PTPRD: variants seen among roughly 807,000 people sequenced by gnomAD.
The protein encoded by PTPRD is protein tyrosine phosphatase receptor type D, also known as receptor-type tyrosine-protein phosphatase delta.
Under a neutral mutation model 214.5 loss-of-function variants are expected in PTPRD, and 34 were observed. That is an observed-to-expected ratio of 0.16 (90% CI 0.12 to 0.21). The LOEUF (loss-of-function observed/expected upper bound fraction) is 0.21. Ranked by LOEUF, PTPRD falls within the 10% of genes least tolerant of loss-of-function variation. The pLI is 1.00. For missense variants in PTPRD, 2,545 were observed against 2,398.7 expected (o/e 1.06, Z -1.27); for synonymous variants, 1,128 against 845.7 (o/e 1.33, Z -5.79).
chr9:9,405,548 T>C (rs1476188286), intron 8 of PTPRD, among the ~76,000 whole-genome samples: 1 of 152,060 alleles, frequency 6.6e-6, no homozygotes, highest in Non-Finnish European at 1.5e-5. Flanking sequence ...AACATTAGCC[T>C]GGGTAAATCT....
At chr9:8,586,699 C>T (rs1164910629) in intron 14 of PTPRD, among the ~76,000 whole-genome samples, 1 of 152,158 alleles carries the variant, frequency 6.6e-6, no homozygotes, top group African/African-American at 2.4e-5. Context: ...ACTGTCTATG[C>T]CTTTGGTTTT....
intron 9 of PTPRD, among the ~76,000 whole-genome samples, chr9:9,259,951 A>G (rs892139094): frequency 1.3e-5 from 2 of 151,858 alleles, no homozygotes; most frequent in African/African-American, 4.8e-5. Flanking sequence ...TTAGCTGGAC[A>G]ATGCTTAGTG....
At chr9:9,503,133 G>A (rs1357159972) in intron 8 of PTPRD, among the ~76,000 whole-genome samples, 2 of 151,638 alleles carry the variant, frequency 1.3e-5, no homozygotes, top group African/African-American at 4.8e-5. Flanking sequence ...GGACTTGGTT[G>A]GTAGTTGTTT....
chr9:8,596,920 G>T (rs1373735462), intron 14 of PTPRD, among the ~76,000 whole-genome samples: 1 of 152,014 alleles, frequency 6.6e-6, no homozygotes, highest in African/African-American at 2.4e-5. Flanking sequence ...ACAATTTTTA[G>T]CTAAATATCT....
At chr9:9,289,272 C>T (rs1950429590) in intron 9 of PTPRD, among the ~76,000 whole-genome samples, 1 of 151,782 alleles carries the variant, frequency 6.6e-6, no homozygotes, top group African/African-American at 2.4e-5. Flanking sequence ...CTAAAGATAA[C>T]TTGGTTCATA....
At chr9:8,731,398 T>C (rs1258939484) in intron 12 of PTPRD, among the ~76,000 whole-genome samples, 2 of 152,054 alleles carry the variant, frequency 1.3e-5, no homozygotes, top group Non-Finnish European at 2.9e-5. Context: ...CACAGTTAGG[T>C]AAAAGGGAAA....
intron 12 of PTPRD, among the ~76,000 whole-genome samples, chr9:8,730,060 T>C (rs1287027517): frequency 1.3e-5 from 2 of 151,998 alleles, no homozygotes; most frequent in Non-Finnish European, 2.9e-5. Context: ...ATCAAGACCA[T>C]CCTGGCTAAC....
At chr9:8,662,722 C>T (rs557766653) in intron 12 of PTPRD, among the ~76,000 whole-genome samples, 25 of 152,268 alleles carry the variant, frequency 1.6e-4, no homozygotes, top group Admixed American at 6.5e-4. Flanking sequence ...TTTATCTGGA[C>T]CCTGTAAGCA....
At chr9:9,882,691 G>A (rs1247848608) in intron 5 of PTPRD, among the ~76,000 whole-genome samples, 1 of 152,092 alleles carries the variant, frequency 6.6e-6, no homozygotes, top group African/African-American at 2.4e-5. Context: ...TTATGTTCCT[G>A]TTAAGGAGGA....
chr9:10,477,613 C>T (rs529307472), intron 2 of PTPRD, among the ~76,000 whole-genome samples: 1 of 152,182 alleles, frequency 6.6e-6, no homozygotes, highest in Non-Finnish European at 1.5e-5. Flanking sequence ...CCATTTGACC[C>T]AGCAATCCCA....
chr9:8,515,039 T>C (rs1279999288), intron 21 of PTPRD, among the ~76,000 whole-genome samples: 1 of 152,202 alleles, frequency 6.6e-6, no homozygotes, highest in Non-Finnish European at 1.5e-5. Context: ...CCTAGCCATG[T>C]GAAATTGTGA....
At chr9:9,040,813 G>A (rs576818184) in intron 10 of PTPRD, among the ~76,000 whole-genome samples, 74 of 152,284 alleles carry the variant, frequency 4.9e-4, no homozygotes, top group African/African-American at 1.8e-3. Flanking sequence ...TAGACTTGCA[G>A]CTAATGTTGC....
chr9:9,995,456 G>A (rs1399595321), intron 4 of PTPRD, among the ~76,000 whole-genome samples: 1 of 152,128 alleles, frequency 6.6e-6, no homozygotes, highest in African/African-American at 2.4e-5. Context: ...AGAGATAAAA[G>A]TTTATAAATC....
In PTPRD at chr9:8,826,963, T is replaced by C. The variant is rs114986328; in HGVS notation, c.-103-93017A>G. Reference sequence around the variant, plus strand: ...GTTTCTCCTTCTGCCTGGGATGCTCTTTCTCCCCTTGTTTAAACTGGCAGA... The same window carrying C: ...GTTTCTCCTTCTGCCTGGGATGCTCCTTCTCCCCTTGTTTAAACTGGCAGA... On this transcript the variant is annotated intron_variant, in intron 11 of 45. Transcript: ENST00000381196. 4.1e-3 allele frequency among the ~76,000 whole-genome samples: 630 copies of C among 152,164 alleles called. 2 individuals carry two copies. Among genetic ancestry groups the C allele is most frequent in the African/African-American group, 0.015 (605 of 41,514 alleles).
At chr9:10,409,249 G>GA (rs2098409455) in intron 2 of PTPRD, among the ~76,000 whole-genome samples, 1 of 151,710 alleles carries the variant, frequency 6.6e-6, no homozygotes. Flanking sequence ...CTTTTGATGA[G>GA]AAAATCTAGA....
At chr9:9,583,222 G>T (rs1315893122) in intron 7 of PTPRD, among the ~76,000 whole-genome samples, 1 of 151,950 alleles carries the variant, frequency 6.6e-6, no homozygotes, top group African/African-American at 2.4e-5. Context: ...GGGTATCAAT[G>T]ATATATAAAA....
intron 30 of PTPRD, among the ~76,000 whole-genome samples, chr9:8,481,480 A>C (rs907090439): frequency 6.6e-6 from 1 of 152,108 alleles, no homozygotes; most frequent in Non-Finnish European, 1.5e-5. Context: ...TTGTTTTTTA[A>C]TACCTGATTT....
At chr9:8,662,545 G>A (rs2097084013) in intron 12 of PTPRD, among the ~76,000 whole-genome samples, 1 of 151,980 alleles carries the variant, frequency 6.6e-6, no homozygotes, top group Non-Finnish European at 1.5e-5. Context: ...ATACAGCCTA[G>A]GAAAAATGGA....
At chr9:10,072,672 C>T (rs1173056765) in intron 3 of PTPRD, among the ~76,000 whole-genome samples, 4 of 152,036 alleles carry the variant, frequency 2.6e-5, no homozygotes, top group Non-Finnish European at 5.9e-5. Flanking sequence ...CTTATTGTTG[C>T]ATTTTACAGA....
Sources: allele counts gnomAD v4.1 joint callset (sites outside exome capture counted in the v4.1 genomes callset), GRCh38; gene constraint gnomAD v4.1.1; transcripts MANE v1.5; gene names NCBI Gene and HGNC (gene_info 2026-07-23, HGNC 2026-07-21).